CBFA2T2: variants seen among roughly 807,000 people sequenced by gnomAD.
The protein encoded by CBFA2T2 is CBFA2/RUNX1 partner transcriptional co-repressor 2.
In CBFA2T2, 11 loss-of-function variants were observed where a neutral mutation model predicts 62.2. The observed-to-expected ratio is 0.18, with a 90% CI of 0.11 to 0.29. The LOEUF (loss-of-function observed/expected upper bound fraction) is 0.29. Among genes scored for constraint, CBFA2T2 ranks in the 10% least tolerant of loss-of-function variants. The probability of loss-of-function intolerance (pLI) is 1.00; values close to 1 mark genes in which losing one functional copy is unlikely to be tolerated. For missense variants in CBFA2T2, 592 were observed against 774.1 expected (o/e 0.76, Z 2.79); for synonymous variants, 295 against 287.5 (o/e 1.03, Z -0.27).
chr20:33,629,659 A>G (rs775281116), intron 7 of CBFA2T2, 60 bp from the exon 8 acceptor site: 28 of 1,457,778 alleles, frequency 1.9e-5, no homozygotes, highest in Non-Finnish European at 2.4e-5. Context: ...GGCCTGATTT[A>G]CAGTGTTGGT....
chr20:33,561,241 T>G (rs2013079952), intron 1 of CBFA2T2, among the ~76,000 whole-genome samples: 1 of 152,144 alleles, frequency 6.6e-6, no homozygotes, highest in Non-Finnish European at 1.5e-5. Flanking sequence ...CTCAAACGCC[T>G]GAGCTCAAGC....
At chr20:33,614,027 A>G (rs957782457) in intron 3 of CBFA2T2, among the ~76,000 whole-genome samples, 1 of 152,076 alleles carries the variant, frequency 6.6e-6, no homozygotes, top group Non-Finnish European at 1.5e-5. Context: ...TACTAAAAAT[A>G]CAAAAAATTA....
At chr20:33,643,819 TATATA>T (rs1404504886) in intron 10 of CBFA2T2, among the ~76,000 whole-genome samples, 43 of 48,844 alleles carry the variant, frequency 8.8e-4, no homozygotes, top group African/African-American at 2.8e-3. Context: ...ATATATATAG[TATATA>T]ATGTGTGTGT....
At chr20:33,554,520 G>A (rs1181301817) in intron 1 of CBFA2T2, among the ~76,000 whole-genome samples, 2 of 150,208 alleles carry the variant, frequency 1.3e-5, no homozygotes, top group African/African-American at 4.9e-5. Flanking sequence ...AATTGCTGGG[G>A]TTACAGGGGT....
chr20:33,611,528 C>CT (rs968666990), intron 3 of CBFA2T2, among the ~76,000 whole-genome samples, 193 bp downstream of exon 3: 7 of 151,394 alleles, frequency 4.6e-5, no homozygotes, highest in Admixed American at 2.0e-4. Flanking sequence ...TTTCTTCTTT[C>CT]TTTTTTTTTG....
intron 1 of CBFA2T2, among the ~76,000 whole-genome samples, chr20:33,546,003 G>A (rs959258257): frequency 6.6e-6 from 1 of 152,322 alleles, no homozygotes; most frequent in Non-Finnish European, 1.5e-5. Flanking sequence ...AGGATGTTTT[G>A]TTAAATGTCC....
At chr20:33,640,623 C>A in intron 10 of CBFA2T2, 92 bp downstream of exon 10, 1 of 1,172,778 alleles carries the variant, frequency 8.5e-7, no homozygotes. Flanking sequence ...AAGACACAGG[C>A]AGTCCACTCT....
intron 1 of CBFA2T2, among the ~76,000 whole-genome samples, chr20:33,560,479 C>T (rs1238609065): frequency 6.6e-6 from 1 of 152,140 alleles, no homozygotes; most frequent in Non-Finnish European, 1.5e-5. Context: ...ACCTTTGTAG[C>T]AATGCAGGGA....
At chr20:33,531,355 C>A (rs2012055631) in intron 1 of CBFA2T2, among the ~76,000 whole-genome samples, 1 of 152,286 alleles carries the variant, frequency 6.6e-6, no homozygotes, top group Middle Eastern at 3.4e-3. Context: ...AGGGTGCTTA[C>A]AAAATGGCAA....
intron 1 of CBFA2T2, among the ~76,000 whole-genome samples, chr20:33,507,861 AT>A (rs1347775904): frequency 1.3e-5 from 2 of 152,056 alleles, no homozygotes; most frequent in African/African-American, 4.8e-5. Flanking sequence ...TGTTTGTGTA[AT>A]TTTGATAGAT....
At chr20:33,598,122 G>A (rs1170296264) in intron 1 of CBFA2T2, among the ~76,000 whole-genome samples, 2 of 152,082 alleles carry the variant, frequency 1.3e-5, no homozygotes, top group Non-Finnish European at 2.9e-5. Context: ...GTGGAGGCAG[G>A]GCAAGATCAC....
chr20:33,508,845 G>C (rs1045556502), intron 1 of CBFA2T2, among the ~76,000 whole-genome samples: 3 of 152,136 alleles, frequency 2.0e-5, no homozygotes, highest in African/African-American at 7.2e-5. Context: ...ATCCCATTAG[G>C]GCTTAACTTA....
At chr20:33,593,905 A>G (rs1424863869) in intron 1 of CBFA2T2, among the ~76,000 whole-genome samples, 1 of 152,200 alleles carries the variant, frequency 6.6e-6, no homozygotes, top group Non-Finnish European at 1.5e-5. Flanking sequence ...TCCCAGGACC[A>G]TATTTTGAGA....
intron 1 of CBFA2T2, among the ~76,000 whole-genome samples, chr20:33,541,317 T>C (rs939473135): frequency 2.0e-4 from 30 of 152,334 alleles, no homozygotes; most frequent in African/African-American, 7.2e-4. Flanking sequence ...AAGCCAAAGT[T>C]AGACTCATGA....
chr20:33,502,750 A>G (rs1468901451), intron 1 of CBFA2T2, among the ~76,000 whole-genome samples: 2 of 150,076 alleles, frequency 1.3e-5, no homozygotes, highest in African/African-American at 4.9e-5. Context: ...CATTTCTCCA[A>G]ACTGTTTCTC....
chr20:33,583,011 A>G (rs1018488166), intron 1 of CBFA2T2, among the ~76,000 whole-genome samples: 3 of 151,252 alleles, frequency 2.0e-5, no homozygotes, highest in African/African-American at 7.3e-5. Context: ...ATTCCCTTCT[A>G]GTTTTTTCTT....
At chr20:33,551,687 ACG>A (rs967600509) in intron 1 of CBFA2T2, among the ~76,000 whole-genome samples, 2 of 150,788 alleles carry the variant, frequency 1.3e-5, no homozygotes, top group African/African-American at 4.9e-5. Context: ...GTGTGTCACC[ACG>A]CCCGGCTAAT....
intron 8 of CBFA2T2, among the ~76,000 whole-genome samples, chr20:33,636,211 A>ATC (rs1431476051): frequency 6.9e-6 from 1 of 145,892 alleles, no homozygotes; most frequent in Non-Finnish European, 1.5e-5. Flanking sequence ...GTGAGCCAAG[A>ATC]TCGCACCACT....
chr20:33,518,177 T>C (rs77463038), intron 1 of CBFA2T2, among the ~76,000 whole-genome samples: 6,501 of 151,878 alleles, frequency 0.043, 487 homozygotes, highest in African/African-American at 0.15. Context: ...TTCGGTCTCC[T>C]GACCTCATGA....
Sources: allele counts gnomAD v4.1 joint callset (sites outside exome capture counted in the v4.1 genomes callset), GRCh38; gene constraint gnomAD v4.1.1; transcripts MANE v1.5; gene names NCBI Gene and HGNC (gene_info 2026-07-23, HGNC 2026-07-21).